TPM2: variants seen among roughly 807,000 people sequenced by gnomAD.
TPM2 encodes tropomyosin beta chain.
In TPM2, 26 loss-of-function variants were observed where a neutral mutation model predicts 41.0. The observed-to-expected ratio is 0.63, with a 90% CI of 0.46 to 0.88. The LOEUF is 0.88. Among genes scored for constraint, TPM2 ranks in the 40% least tolerant of loss-of-function variants. TPM2 has a pLI of 0.00. For missense variants in TPM2, 187 were observed against 355.2 expected, an observed-to-expected ratio of 0.53 and a Z score of 3.81; for synonymous variants, 143 against 139.3, an observed-to-expected ratio of 1.03 and a Z score of -0.19.
chr9:35,689,064 C>T, intron 2 of TPM2, 82 bp downstream of exon 2: 2 of 1,508,574 alleles, frequency 1.3e-6, no homozygotes, highest in Middle Eastern at 3.4e-4. Context: ...GGATAAGGTG[C>T]CCCAATCCTC....
chr9:35,684,822 TGGCGGGGGG>T lies in TPM2; in HGVS notation c.564-24_564-16del. The T allele has an allele frequency of 6.7e-7, 1 of 1,486,484 alleles. No homozygotes were observed. The highest frequency in any genetic ancestry group is 1.8e-5 in the African/African-American group (1 of 56,552). 92.1% of individuals were successfully genotyped at this position (1,486,484 alleles called of 1,614,324 possible). ...CCCCACATTTACTGCAGGGGGTGTG[TGGCGGGGGG>T]GGCAGGGTGTGAGGGCACAGCGAAG... On this transcript the variant is annotated splice_polypyrimidine_tract_variant and intron_variant, in intron 5 of 8. Transcript: ENST00000645482.
chr9:35,682,100 A>G, downstream of TPM2: 1 of 1,614,132 alleles, frequency 6.2e-7, no homozygotes. Flanking sequence ...GTTGAGTTCC[A>G]GCAGGGTCTG....
rs1824682107 is a variant in TPM2, at chr9:35,683,259, A to C, written c.773-18T>G. Reference sequence around the variant, plus strand: ...GACTTCATCTGGGGGGGGTCCAGGGAGGGGACCAGGTGGGAGTGTGGGAAA... The same window carrying C: ...GACTTCATCTGGGGGGGGTCCAGGGCGGGGACCAGGTGGGAGTGTGGGAAA... On this transcript the variant is annotated intron_variant, in intron 8 of 8. Transcript: ENST00000645482. 8.1e-6 allele frequency: 12 copies of C among 1,486,300 alleles called. No homozygotes were observed. Among genetic ancestry groups the C allele is most frequent in the East Asian group, 2.5e-5 (1 of 39,896 alleles). The allele number at this position is 1,486,300 out of a possible 1,614,324, so 92.1% of individuals were successfully genotyped here. A position where few individuals can be genotyped will look rare whatever the true frequency, so the allele number is the denominator to read the frequency against.
At position 35,689,372 on chromosome 9, in the gene TPM2, G is replaced by A. The variant is rs1825121033; in HGVS notation, c.115-101C>T. 38 of 1,557,162 alleles carry A rather than the reference G, an allele frequency of 2.4e-5. 1 individual carries two copies. In the South Asian group the frequency reaches 4.0e-4, roughly 16 times the overall value. On this transcript the variant is annotated intron_variant, in intron 1 of 8. Transcript: ENST00000645482. ...GCGCTACTAAGATTTGGAGGCTACTGGGATGGAAGCGGAATAACATAAAAG... is the reference window on the plus strand; with the variant it reads ...GCGCTACTAAGATTTGGAGGCTACTAGGATGGAAGCGGAATAACATAAAAG...
rs372304548 is a variant in TPM2, at chr9:35,685,014, T to A, written c.564-207A>T. 1 of 1,613,806 alleles carries A rather than the reference T, an allele frequency of 6.2e-7. No homozygotes were observed. Among genetic ancestry groups the A allele is most frequent in the Non-Finnish European group, 8.5e-7 (1 of 1,179,974 alleles). On this transcript the variant is annotated intron_variant, in intron 5 of 8. Transcript: ENST00000645482. This position sits in a 1 kb window ranked among gnomAD's most constrained non-coding sequence, Gnocchi z 5.0. Reference sequence around the variant, plus strand: ...CTGCGGTGCTGAGACGGAGGGAAGGTGAGCTGAGAGAAGGCGCCATTGCCC... The same window carrying A: ...CTGCGGTGCTGAGACGGAGGGAAGGAGAGCTGAGAGAAGGCGCCATTGCCC...
chr9:35,689,847 G>A lies in TPM2; in HGVS notation c.-30C>T, dbSNP rs756447955. The A allele has an allele frequency of 1.2e-6, 2 of 1,613,074 alleles. No individual in the cohort carries two copies. The highest frequency in any genetic ancestry group is 2.2e-5 in the South Asian group (2 of 91,072). The stretch of plus-strand genomic sequence containing the variant: ...GCGGTGGGGGGTGGGCCGGCCGGCA[G>A]GCGGTGAGGACCGGACGGACTGGGC... On this transcript the variant is annotated 5_prime_UTR_variant, in exon 1 of 9. Coordinates refer to ENST00000645482, the MANE Select transcript of TPM2 (RefSeq NM_003289.4).
chr9:35,690,033 G>A (rs1368059058), upstream of TPM2: 9 of 1,378,484 alleles, frequency 6.5e-6, no homozygotes, highest in South Asian at 7.6e-5. Context: ...GCAGAAGCAC[G>A]GCCCGGCCGG....
Position 35,685,097 on chromosome 9 carries a change from CTGGTCCATGG to C in TPM2, c.563+162_563+171del. 6.2e-7 allele frequency: 1 copy of C among 1,614,166 alleles called. No individual in the cohort carries two copies. Among genetic ancestry groups the C allele is most frequent in the Non-Finnish European group, 8.5e-7 (1 of 1,180,020 alleles). ...CTGAGGCCATCAGGGACTTGAGGGC[CTGGTCCATGG>C]TTCGAAGTTCCTCCTCCAGCTGTCT... On this transcript the variant is annotated intron_variant, in intron 5 of 8. Transcript: ENST00000645482. This position sits in a 1 kb window ranked among gnomAD's most constrained non-coding sequence, Gnocchi z 5.0.
At chr9:35,682,137 TCTC>T (rs761328058), downstream of TPM2, 1 of 1,613,902 alleles carries the variant, frequency 6.2e-7, no homozygotes, top group Non-Finnish European at 8.5e-7. Context: ...ATCTCGACGT[TCTC>T]CTCCTTGGCA....
intron 2 of TPM2, among the ~76,000 whole-genome samples, chr9:35,687,946 G>C (rs1226728603): frequency 6.6e-6 from 1 of 152,116 alleles, no homozygotes; most frequent in Non-Finnish European, 1.5e-5. Flanking sequence ...GAGAAACTGA[G>C]GCACCATGTA....
chr9:35,684,887 G>C (rs1824793443), intron 5 of TPM2, 80 bp from the exon 6 acceptor site: 4 of 1,612,992 alleles, frequency 2.5e-6, no homozygotes, highest in Non-Finnish European at 3.4e-6. Flanking sequence ...AGCAGGGGAC[G>C]GGTGGAGGAG....
rs371325326 is a variant in TPM2 at position 35,683,185 on chromosome 9, C to T, written c.829G>A (p.Ala277Thr). 18 of 1,552,144 alleles carry T rather than the reference C, an allele frequency of 1.2e-5. No homozygotes were observed. The highest frequency in any genetic ancestry group is 1.4e-5 in the African/African-American group (1 of 72,672). Residue 277 changes from alanine to threonine, a missense_variant, in exon 9 of 9, where the codon GCA becomes ACA. Coordinates refer to ENST00000645482, the MANE Select transcript of TPM2 (RefSeq NM_003289.4). ...CAGAGGGAGGTGATGTCATTGAGTG[C>T]GTTGTCCAGTTCCTCGCTAATGGCC... The part of the protein sequence containing the change: ...YKAISEELDN[A>T]LNDITSL
intron 2 of TPM2, among the ~76,000 whole-genome samples, chr9:35,688,389 G>A (rs560620788): frequency 3.9e-5 from 6 of 152,334 alleles, no homozygotes; most frequent in African/African-American, 1.4e-4. Context: ...GGCAGAGAAT[G>A]GGGAAACTAC....
chr9:35,685,802 T>A lies in TPM2; in HGVS notation c.241-22A>T. 1 of 1,613,818 alleles carries A rather than the reference T, an allele frequency of 6.2e-7. No individual in the cohort carries two copies. Among genetic ancestry groups the A allele is most frequent in the Non-Finnish European group, 8.5e-7 (1 of 1,180,012 alleles). ...CAGCCTGTGGGTCAGAGGTCAGGGG[T>A]CAAAAAGGCCTTGTTAGCCTTGGAT... On this transcript the variant is annotated intron_variant, in intron 2 of 8. Transcript: ENST00000645482. The surrounding 1 kb of genome is among the most constrained non-coding windows in gnomAD (Gnocchi z 5.0).
Position 35,685,587 on chromosome 9 carries a change from A to C in TPM2, c.375-36T>G, listed in dbSNP as rs528153001. On this transcript the variant is annotated intron_variant, in intron 3 of 8. Coordinates refer to ENST00000645482, the MANE Select transcript of TPM2 (RefSeq NM_003289.4). The surrounding 1 kb of genome is among the most constrained non-coding windows in gnomAD (Gnocchi z 5.0). ...GGGAGAGGGTGAGCGTAGGGTCAGG[A>C]CCAGCAGAGACAGGCTCCCTTCTCC... is the stretch of plus-strand genomic sequence containing the variant. 2 of 1,614,030 alleles carry C rather than the reference A, an allele frequency of 1.2e-6. No homozygotes were observed. Among genetic ancestry groups the C allele is most frequent in the South Asian group, 2.2e-5 (2 of 91,076 alleles).
rs919511850 is a variant in TPM2 at position 35,689,692 on chromosome 9, C to T, written c.114+12G>A. 1 of 1,612,486 alleles carries T rather than the reference C, an allele frequency of 6.2e-7. No homozygotes were observed. Among genetic ancestry groups the T allele is most frequent in the Non-Finnish European group, 8.5e-7 (1 of 1,179,698 alleles). On this transcript the variant is annotated intron_variant, in intron 1 of 8. Transcript: ENST00000645482. ...CGCGGGGAGAGCAGGCTGCACTGGG[C>T]CCGGCCCTAACCTGCTTGCAGCGGT...
At position 35,683,242 on chromosome 9, in the gene TPM2, C is replaced by CT. The variant is rs1283326323; in HGVS notation, c.773-2dup. The stretch of plus-strand genomic sequence containing the variant: ...TTCATCTTCTGGGCATAGACTTCAT[C>CT]TGGGGGGGGTCCAGGGAGGGGACCA... On this transcript the variant is annotated splice_acceptor_variant, in intron 8 of 8. Coordinates refer to ENST00000645482, the MANE Select transcript of TPM2 (RefSeq NM_003289.4). LOFTEE classifies it high-confidence loss of function. The CT allele has an allele frequency of 6.9e-7, 1 of 1,458,002 alleles. No individual in the cohort carries two copies. Among genetic ancestry groups the CT allele is most frequent in the South Asian group, 1.2e-5 (1 of 83,240 alleles). The allele number at this position is 1,458,002 out of a possible 1,614,324, so 90.3% of individuals were successfully genotyped here.
chr9:35,682,801 C>A, downstream of TPM2: 1 of 1,360,734 alleles, frequency 7.3e-7, no homozygotes, highest in Non-Finnish European at 9.8e-7. Flanking sequence ...TCAGCGTGGG[C>A]CATGGTGTTT....
intron 1 of TPM2, 34 bp downstream of exon 1, chr9:35,689,670 G>C (rs770143328): frequency 1.9e-6 from 3 of 1,609,482 alleles, no homozygotes; most frequent in African/African-American, 2.7e-5. Context: ...CCCTAGGCGC[G>C]GGGAGAGCAG....
Sources: allele counts gnomAD v4.1 joint callset (sites outside exome capture counted in the v4.1 genomes callset), GRCh38; gene constraint gnomAD v4.1.1; non-coding constraint Gnocchi (gnomAD v3.1); transcripts MANE v1.5; gene names NCBI Gene and HGNC (gene_info 2026-07-23, HGNC 2026-07-21).